Variants in ARFGEF3 observed in about 807,000 individuals in gnomAD.
ARFGEF3 encodes the protein ARFGEF family member 3.
A neutral mutation model predicts 221.7 loss-of-function variants in ARFGEF3; 96 were observed. The ratio of observed to expected loss-of-function variants is 0.43; its 90% CI spans 0.37 to 0.51. The LOEUF is 0.51. ARFGEF3 is among the 20% of genes least tolerant of loss of function. ARFGEF3 has a pLI of 0.00. For synonymous variants in ARFGEF3, 1,145 were observed against 1,126.8 expected, an observed-to-expected ratio of 1.02 and a Z score of -0.32; for missense variants, 2,410 against 2,789.9, an observed-to-expected ratio of 0.86 and a Z score of 3.07.
Position 138,338,552 on chromosome 6 carries a change from T to A in ARFGEF3, c.*2066T>A, listed in dbSNP as rs539465000. ...GGCTCACGCCTGTAATCCCAGCACT[T>A]ACTTTGGGAGGCCAAGGTGGGCAGA... On this transcript the variant is annotated 3_prime_UTR_variant, in exon 34 of 34. Coordinates refer to ENST00000251691, the MANE Select transcript of ARFGEF3 (RefSeq NM_020340.5). The A allele has an allele frequency of 6.6e-6, 1 of 152,194 alleles. No homozygotes were observed. The highest frequency in any genetic ancestry group is 1.5e-5 in the Non-Finnish European group (1 of 68,032). 9.4% of individuals were successfully genotyped at this position (152,194 alleles called of 1,614,324 possible).
chr6:138,193,343 TTATACTTC>T (rs1168875645), intron 2 of ARFGEF3, among the ~76,000 whole-genome samples: 1 of 152,192 alleles, frequency 6.6e-6, no homozygotes, highest in African/African-American at 2.4e-5. Flanking sequence ...CCCACTCTCA[TTATACTTC>T]TATAGTTGGT....
intron 6 of ARFGEF3, among the ~76,000 whole-genome samples, chr6:138,241,767 A>G (rs897785981): frequency 2.9e-4 from 44 of 152,350 alleles, no homozygotes; most frequent in African/African-American, 9.9e-4. Flanking sequence ...TGTATCTTCA[A>G]CCTAATAAAT....
chr6:138,328,427 T>G (rs781764954), intron 32 of ARFGEF3, among the ~76,000 whole-genome samples: 2 of 152,154 alleles, frequency 1.3e-5, no homozygotes, highest in African/African-American at 2.4e-5. Context: ...GATATGAAGG[T>G]TTCCTCCGAG....
intron 22 of ARFGEF3, among the ~76,000 whole-genome samples, chr6:138,304,692 T>C (rs1779689248): frequency 6.6e-6 from 1 of 152,228 alleles, no homozygotes; most frequent in South Asian, 2.1e-4. Flanking sequence ...GTTTAGACTT[T>C]TAAAATGTTA....
chr6:138,292,799 C>T (rs953827523), intron 19 of ARFGEF3, among the ~76,000 whole-genome samples: 2 of 152,234 alleles, frequency 1.3e-5, no homozygotes, highest in Non-Finnish European at 2.9e-5. Context: ...GACATAGCTG[C>T]ACTGAGGCTC....
rs35236693 is a variant in ARFGEF3 at position 138,174,469 on chromosome 6, T to TAAAAAAAAA, written c.137+3786_137+3794dup. On this transcript the variant is annotated intron_variant, in intron 2 of 33. Transcript: ENST00000251691. ...GGCATCCTTCTATTTGAGCATCTGC[T>TAAAAAAAAA]AAAAAAAAAAAAAAAAAAAAAAAAA... Among the ~76,000 whole-genome samples the TAAAAAAAAA allele has an allele frequency of 7.1e-4, 18 of 25,302 alleles. 1 individual carries two copies. The highest frequency in any genetic ancestry group is 1.7e-3 in the East Asian group (1 of 602). The allele number at this position is 25,302 out of a possible 152,430, so 16.6% of individuals were successfully genotyped here.
chr6:138,206,952 G>A (rs1312391367), intron 2 of ARFGEF3, 90 bp from the exon 3 acceptor site: 18 of 883,208 alleles, frequency 2.0e-5, no homozygotes, highest in Non-Finnish European at 2.8e-5. Context: ...GTGTGTAGTG[G>A]CATTTGGGGG....
chr6:138,307,724 T>A (rs1779751679), intron 23 of ARFGEF3, among the ~76,000 whole-genome samples: 1 of 152,182 alleles, frequency 6.6e-6, no homozygotes, highest in African/African-American at 2.4e-5. Context: ...AGCAGAAAAG[T>A]ATCATAACAC....
intron 6 of ARFGEF3, among the ~76,000 whole-genome samples, chr6:138,242,235 A>G (rs953621833): frequency 6.6e-6 from 1 of 152,234 alleles, no homozygotes; most frequent in Non-Finnish European, 1.5e-5. Flanking sequence ...CAAAGAGGTA[A>G]GGAGAATAAA....
rs1562369289 is a variant in ARFGEF3, at chr6:138,255,704, T to C, written c.1039T>C (p.Tyr347His). 2 of 1,611,646 alleles carry C rather than the reference T, an allele frequency of 1.2e-6. No individual in the cohort carries two copies. The highest frequency in any genetic ancestry group is 1.7e-6 in the Non-Finnish European group (2 of 1,178,646). ...DSMKPVLQSL[Y>H]HRVLLYPPPQ... The stretch of plus-strand genomic sequence containing the variant: ...CATGAAGCCCGTGCTCCAGTCCCTC[T>C]ACCACCGAGTGCTGCTCTACCCCCC... The change falls in exon 10 of 34, where the codon TAC becomes CAC. Residue 347 changes from tyrosine (Y) to histidine (H), a missense_variant. Tyr to His is a moderately conservative substitution (Grantham distance 83). Transcript: ENST00000251691.
intron 4 of ARFGEF3, among the ~76,000 whole-genome samples, chr6:138,222,942 A>G (rs965392061): frequency 2.6e-5 from 4 of 152,170 alleles, no homozygotes; most frequent in African/African-American, 9.7e-5. Flanking sequence ...TTGAAGTAAG[A>G]AAATGTCCTC....
chr6:138,206,264 T>C (rs145266408), intron 2 of ARFGEF3, among the ~76,000 whole-genome samples: 41 of 152,352 alleles, frequency 2.7e-4, no homozygotes, highest in African/African-American at 9.1e-4. Flanking sequence ...ATTTTTGTCT[T>C]TGTAACTCTT....
Position 138,209,974 on chromosome 6 carries a change from A to G in ARFGEF3, c.284A>G (p.Asn95Ser), listed in dbSNP as rs1269402470. 12 of 1,613,750 alleles carry G rather than the reference A, an allele frequency of 7.4e-6. No homozygotes were observed. Among genetic ancestry groups the G allele is most frequent in the South Asian group, 3.3e-5 (3 of 91,076 alleles). ...ETDSDEKQLL[N>S]QILNAVKVTP... Reference sequence around the variant, plus strand: ...GATTCTGATGAGAAGCAGCTGCTCAATCAGATACTGAATGCCGTGAAAGTG... The same window carrying G: ...GATTCTGATGAGAAGCAGCTGCTCAGTCAGATACTGAATGCCGTGAAAGTG... Residue 95 changes from asparagine (N) to serine (S), a missense_variant, in exon 4 of 34, where the codon AAT (asparagine) becomes AGT (serine). This residue lies in a region of ARFGEF3 where 570 missense variants were observed against 586.9 expected (regional missense o/e 0.97). Transcript: ENST00000251691.
chr6:138,162,090 G>C lies in ARFGEF3; in HGVS notation c.4G>C (p.Glu2Gln). M[E>Q]EILRKLQKEA... is the part of the protein sequence containing the mutation. Reference sequence around the variant, plus strand: ...GCCCGGCGCCTGGAAGGTCAAGATGGAAGAAATCCTGAGGAAGCTGCAGAA... The same window carrying C: ...GCCCGGCGCCTGGAAGGTCAAGATGCAAGAAATCCTGAGGAAGCTGCAGAA... Residue 2 changes from glutamate (E) to glutamine (Q), a missense_variant, in exon 1 of 34, where the codon GAA (glutamate) becomes CAA (glutamine). Coordinates refer to ENST00000251691, the MANE Select transcript of ARFGEF3 (RefSeq NM_020340.5). The surrounding 1 kb of genome is among the most constrained non-coding windows in gnomAD (Gnocchi z 4.7). 6.3e-7 allele frequency: 1 copy of C among 1,597,006 alleles called. No homozygotes were observed. The highest frequency in any genetic ancestry group is 8.5e-7 in the Non-Finnish European group (1 of 1,171,570).
chr6:138,288,370 G>A (rs1226758768), intron 17 of ARFGEF3, among the ~76,000 whole-genome samples: 1 of 152,008 alleles, frequency 6.6e-6, no homozygotes, highest in Non-Finnish European at 1.5e-5. Flanking sequence ...GGGTGACAGA[G>A]TGAGACCCTA....
At chr6:138,252,480 A>G (rs1398634778) in intron 8 of ARFGEF3, among the ~76,000 whole-genome samples, 2 of 152,178 alleles carry the variant, frequency 1.3e-5, no homozygotes, top group Admixed American at 1.3e-4. Flanking sequence ...CTGTCTTACA[A>G]TTGTGTGGTC....
rs1483525602 is a variant in ARFGEF3 at position 138,289,914 on chromosome 6, G to A, written c.2993G>A (p.Ser998Asn). ...GTCTTGTGCATGGAGGCCATCCTCA[G>A]CGTAGGCCTGGAGATGGGAAGCCAC... ...AHVLCMEAILSVGLEMGSHNP... is the reference protein window; with the variant it reads ...AHVLCMEAILNVGLEMGSHNP... The change falls in exon 18 of 34, where the codon AGC becomes AAC. Residue 998 changes from serine (S) to asparagine (N), a missense_variant. Transcript: ENST00000251691. The A allele has an allele frequency of 6.2e-7, 1 of 1,613,800 alleles. No homozygotes were observed. Among genetic ancestry groups the A allele is most frequent in the Non-Finnish European group, 8.5e-7 (1 of 1,179,860 alleles).
In ARFGEF3 at chr6:138,337,989, G is replaced by A. The variant is rs1780361729; in HGVS notation, c.*1503G>A. 1 of 152,224 alleles carries A rather than the reference G, an allele frequency of 6.6e-6. No homozygotes were observed. Among genetic ancestry groups the A allele is most frequent in the East Asian group, 1.9e-4 (1 of 5,178 alleles). The allele number at this position is 152,224 out of a possible 1,614,324, so 9.4% of individuals were successfully genotyped here. On this transcript the variant is annotated 3_prime_UTR_variant, in exon 34 of 34. Coordinates refer to ENST00000251691, the MANE Select transcript of ARFGEF3 (RefSeq NM_020340.5). ...TATTTGTAAACTTTGCCCTCCTTGAGAAATATGGAACTACCTTAGAGGTTA... is the reference window on the plus strand; with the variant it reads ...TATTTGTAAACTTTGCCCTCCTTGAAAAATATGGAACTACCTTAGAGGTTA...
chr6:138,206,343 C>CTTTTTTTT (rs542624433), intron 2 of ARFGEF3, among the ~76,000 whole-genome samples: 1 of 135,086 alleles, frequency 7.4e-6, no homozygotes, highest in Non-Finnish European at 1.6e-5. Flanking sequence ...AATATCTCTC[C>CTTTTTTTT]TTTTTTTTTT....
Sources: gnomAD v4.1 joint callset for allele counts (sites outside exome capture counted in the v4.1 genomes callset) on GRCh38, gnomAD v4.1.1 for gene constraint, gnomAD v4.1.1 regional missense constraint, Gnocchi (gnomAD v3.1) non-coding constraint, MANE v1.5 for transcripts, NCBI Gene and HGNC (gene_info 2026-07-23, HGNC 2026-07-21) for gene names.